Variants in CTIF observed in about 807,000 individuals in gnomAD.
The protein encoded by CTIF is cap binding complex dependent translation initiation factor, also known as CBP80/20-dependent translation initiation factor.
CTIF carries 21 observed loss-of-function variants against 66.0 expected under a neutral mutation model. The observed-to-expected ratio is 0.32, with a 90% CI of 0.23 to 0.46. The LOEUF (loss-of-function observed/expected upper bound fraction) is 0.46, where lower values mean the gene tolerates loss of function less well. CTIF is among the 20% of genes least tolerant of loss of function. CTIF has a pLI of 1.00. For missense variants in CTIF, 739 were observed against 812.7 expected, an observed-to-expected ratio of 0.91 and a Z score of 1.10; for synonymous variants, 345 against 326.4, an observed-to-expected ratio of 1.06 and a Z score of -0.62.
chr18:48,670,086 T>A (rs2091504379), intron 5 of CTIF, among the ~76,000 whole-genome samples: 1 of 151,788 alleles, frequency 6.6e-6, no homozygotes, highest in African/African-American at 2.4e-5. Context: ...CCTGGGAGTC[T>A]GGTTTCGGAA....
Position 48,584,965 on chromosome 18 carries a change from A to G in CTIF, c.-28-34573A>G, listed in dbSNP as rs1184679413. Among the ~76,000 whole-genome samples the G allele has an allele frequency of 2.0e-5, 3 of 152,222 alleles. No individual in the cohort carries two copies. The East Asian group carries it at 5.8e-4, about 29-fold the overall frequency. ...CCAGATCCAAGTAAAGGTGATTTCC[A>G]TTGCCCCAGAAGGCCATCAGTTGTT... On this transcript the variant is annotated intron_variant, in intron 1 of 11. Transcript: ENST00000256413.
At chr18:48,693,336 A>G (rs6507861) in intron 6 of CTIF, among the ~76,000 whole-genome samples, 65,997 of 152,028 alleles carry the variant, frequency 0.43, 16,435 homozygotes, top group African/African-American at 0.69. Context: ...TTCTCCTTTT[A>G]GTCTGAGGCA....
intron 3 of CTIF, among the ~76,000 whole-genome samples, chr18:48,644,529 C>T (rs1023944): frequency 0.61 from 92,592 of 152,094 alleles, 31,016 homozygotes; most frequent in East Asian, 0.94. Context: ...CATCTGTCCT[C>T]ATCCTCAAAG....
At chr18:48,842,988 C>A (rs1779139015) in intron 10 of CTIF, among the ~76,000 whole-genome samples, 1 of 152,136 alleles carries the variant, frequency 6.6e-6, no homozygotes, top group South Asian at 2.1e-4. Flanking sequence ...GAGCCCCCTG[C>A]CCTACCCTTC....
At chr18:48,590,956 T>G (rs1458838127) in intron 1 of CTIF, among the ~76,000 whole-genome samples, 2 of 152,108 alleles carry the variant, frequency 1.3e-5, no homozygotes, top group African/African-American at 4.8e-5. Context: ...GACACAGCAT[T>G]ACGGGACATG....
At chr18:48,825,216 C>T (rs2068559407) in intron 10 of CTIF, among the ~76,000 whole-genome samples, 1 of 152,092 alleles carries the variant, frequency 6.6e-6, no homozygotes, top group Admixed American at 6.5e-5. Context: ...CCTCTGGTTG[C>T]CCCCTGGCTC....
rs528441350 is a variant in CTIF, at chr18:48,691,964, G to A, written c.508-19655G>A. 3.3e-4 allele frequency among the ~76,000 whole-genome samples: 50 copies of A among 152,180 alleles called. 1 individual carries two copies. In the Middle Eastern group the frequency reaches 0.01, roughly 31 times the overall value. ...TGGTGTGATTTCGGCTCACGGCAACGTCTGTCTCCCGGGTTCAAGCAATTC... is the reference window on the plus strand; with the variant it reads ...TGGTGTGATTTCGGCTCACGGCAACATCTGTCTCCCGGGTTCAAGCAATTC... On this transcript the variant is annotated intron_variant, in intron 6 of 11. Coordinates refer to ENST00000256413, the MANE Select transcript of CTIF (RefSeq NM_014772.3).
At chr18:48,623,770 C>T (rs1415736343) in intron 2 of CTIF, among the ~76,000 whole-genome samples, 1 of 152,070 alleles carries the variant, frequency 6.6e-6, no homozygotes, top group Non-Finnish European at 1.5e-5. Flanking sequence ...AGTTGACACT[C>T]AGGGAGAAAA....
chr18:48,758,074 A>G lies in CTIF; in HGVS notation c.740A>G (p.Asn247Ser). 1 of 1,614,090 alleles carries G rather than the reference A, an allele frequency of 6.2e-7. No individual in the cohort carries two copies. Among genetic ancestry groups the G allele is most frequent in the East Asian group, 2.2e-5 (1 of 44,862 alleles). The change falls in exon 8 of 12, where the codon AAC (asparagine) becomes AGC (serine). Residue 247 changes from asparagine (N) to serine (S), a missense_variant. By Grantham distance (46) the Asn-to-Ser change is conservative. Coordinates refer to ENST00000256413, the MANE Select transcript of CTIF (RefSeq NM_014772.3). ...CCCACTCACCATGGCTACAGCCAGA[A>G]CCGGCGCTGGCACCATGGCAACATG... ...GRPTHHGYSQ[N>S]RRWHHGNMKH...
intron 10 of CTIF, among the ~76,000 whole-genome samples, chr18:48,850,011 C>T (rs1417438790): frequency 6.6e-6 from 1 of 152,196 alleles, no homozygotes; most frequent in Non-Finnish European, 1.5e-5. Flanking sequence ...CCCCATGAAA[C>T]ACTCCCCATC....
intron 5 of CTIF, among the ~76,000 whole-genome samples, chr18:48,669,070 A>G (rs1189346854): frequency 6.6e-6 from 1 of 152,146 alleles, no homozygotes; most frequent in Admixed American, 6.5e-5. Context: ...CTCTGGCCAT[A>G]GGACTTTTAT....
intron 7 of CTIF, among the ~76,000 whole-genome samples, chr18:48,752,947 C>T (rs1361880083): frequency 1.3e-5 from 2 of 152,338 alleles, no homozygotes; most frequent in Non-Finnish European, 2.9e-5. Flanking sequence ...ATTCTGCAAA[C>T]TGGGGTGGGT....
intron 1 of CTIF, among the ~76,000 whole-genome samples, chr18:48,607,346 T>C (rs1050800423): frequency 6.6e-6 from 1 of 152,188 alleles, no homozygotes; most frequent in Non-Finnish European, 1.5e-5. Context: ...GCTTCAGGCA[T>C]TGTGTGGGAT....
intron 7 of CTIF, among the ~76,000 whole-genome samples, chr18:48,721,092 C>T (rs908837117): frequency 6.6e-6 from 1 of 152,210 alleles, no homozygotes; most frequent in African/African-American, 2.4e-5. Flanking sequence ...TCTGTGCCCA[C>T]AGTTGGAGAG....
intron 1 of CTIF, among the ~76,000 whole-genome samples, chr18:48,555,563 C>T (rs1051916141): frequency 6.6e-6 from 1 of 152,248 alleles, no homozygotes; most frequent in African/African-American, 2.4e-5. Context: ...CCCTGAAAAT[C>T]TGGCCACCCA....
intron 3 of CTIF, among the ~76,000 whole-genome samples, chr18:48,654,022 C>G (rs2091203235): frequency 6.6e-6 from 1 of 152,032 alleles, no homozygotes; most frequent in Non-Finnish European, 1.5e-5. Context: ...CCATAAAAAC[C>G]CTAGAAGAAA....
At chr18:48,734,798 A>G (rs1187211416) in intron 7 of CTIF, among the ~76,000 whole-genome samples, 1 of 152,118 alleles carries the variant, frequency 6.6e-6, no homozygotes, top group Admixed American at 6.6e-5. Flanking sequence ...TTTGGTCAGG[A>G]AGGGAGGCTC....
chr18:48,773,631 G>A (rs147918996), intron 9 of CTIF, among the ~76,000 whole-genome samples: 420 of 152,318 alleles, frequency 2.8e-3, no homozygotes, highest in African/African-American at 9.6e-3. Flanking sequence ...GGGTGAGCAG[G>A]CTTCCCCAGG....
intron 7 of CTIF, among the ~76,000 whole-genome samples, chr18:48,749,301 T>C (rs1434236172): frequency 6.6e-6 from 1 of 152,100 alleles, no homozygotes; most frequent in Non-Finnish European, 1.5e-5. Flanking sequence ...GGGCTGGGGA[T>C]AAAGGAAGTC....
Sources: allele counts gnomAD v4.1 joint callset (sites outside exome capture counted in the v4.1 genomes callset), GRCh38; gene constraint gnomAD v4.1.1; transcripts MANE v1.5; gene names NCBI Gene and HGNC (gene_info 2026-07-23, HGNC 2026-07-21).